Variants in NPAS3 observed in about 807,000 individuals in gnomAD.
The protein encoded by NPAS3 is neuronal PAS domain protein 3, also known as neuronal PAS domain-containing protein 3.
Under a neutral mutation model 73.1 loss-of-function variants are expected in NPAS3, and 14 were observed. The ratio of observed to expected loss-of-function variants is 0.19; its 90% CI spans 0.13 to 0.30. The LOEUF is 0.30. Among genes scored for constraint, NPAS3 ranks in the 10% least tolerant of loss-of-function variants. NPAS3 has a pLI of 1.00. For synonymous variants in NPAS3, 620 were observed against 541.5 expected, an observed-to-expected ratio of 1.14 and a Z score of -2.01; for missense variants, 1,096 against 1,250.0, an observed-to-expected ratio of 0.88 and a Z score of 1.86.
intron 3 of NPAS3, among the ~76,000 whole-genome samples, chr14:33,255,521 G>A (rs1566729168): frequency 6.6e-6 from 1 of 152,138 alleles, no homozygotes; most frequent in African/African-American, 2.4e-5. Flanking sequence ...ACCACTTAAA[G>A]TGTATTTTTT....
intron 5 of NPAS3, among the ~76,000 whole-genome samples, chr14:33,667,439 A>AAGAT (rs1272827807): frequency 6.6e-6 from 1 of 152,206 alleles, no homozygotes. Context: ...AAAATACCCT[A>AAGAT]AGATATACAG....
intron 1 of NPAS3, among the ~76,000 whole-genome samples, chr14:32,966,180 T>G (rs2139268384): frequency 6.6e-6 from 1 of 152,228 alleles, no homozygotes; most frequent in East Asian, 1.9e-4. Context: ...TGAGATTCTT[T>G]ATAGAAATAG....
In NPAS3 at chr14:33,072,463, AG is replaced by A. The variant is rs2041518539; in HGVS notation, c.140+16471del. Among the ~76,000 whole-genome samples the A allele has an allele frequency of 4.6e-5, 7 of 152,308 alleles. No individual in the cohort carries two copies. The South Asian group carries it at 1.5e-3, about 32-fold the overall frequency. ...TAAACATGAAAATGTAATTTAACAAAGGTGAATTTTTCTTTACGATAGAAAT... is the reference window on the plus strand; with the variant it reads ...TAAACATGAAAATGTAATTTAACAAAGTGAATTTTTCTTTACGATAGAAAT... On this transcript the variant is annotated intron_variant, in intron 2 of 11. Coordinates refer to ENST00000356141, the Ensembl canonical transcript of NPAS3.
chr14:33,123,546 C>T (rs536703693), intron 2 of NPAS3, among the ~76,000 whole-genome samples: 2 of 152,146 alleles, frequency 1.3e-5, no homozygotes, highest in South Asian at 2.1e-4. Flanking sequence ...CCAAAAGAAG[C>T]AGTGGAGAGG....
chr14:33,487,824 G>A (rs780185714), intron 4 of NPAS3, among the ~76,000 whole-genome samples: 2 of 152,250 alleles, frequency 1.3e-5, no homozygotes, highest in East Asian at 1.9e-4. Flanking sequence ...AACCAAGTAC[G>A]TGTTATTTTT....
intron 7 of NPAS3, among the ~76,000 whole-genome samples, chr14:33,757,082 A>C (rs2062139328): frequency 6.6e-6 from 1 of 152,214 alleles, no homozygotes; most frequent in African/African-American, 2.4e-5. Context: ...GATTCAGGAG[A>C]TGCTGGACAA....
At chr14:33,518,628 T>G (rs897869187) in intron 4 of NPAS3, among the ~76,000 whole-genome samples, 1 of 143,114 alleles carries the variant, frequency 7.0e-6, no homozygotes, top group Non-Finnish European at 1.5e-5. Flanking sequence ...TACCATGCCT[T>G]TGCAAAAAAT....
chr14:33,379,919 C>G (rs371853941), intron 4 of NPAS3, among the ~76,000 whole-genome samples: 1 of 151,016 alleles, frequency 6.6e-6, no homozygotes, highest in East Asian at 2.0e-4. Context: ...CTGTATTCTA[C>G]TTCACTAGCT....
chr14:32,943,736 G>A (rs1437635535), intron 1 of NPAS3, among the ~76,000 whole-genome samples: 1 of 147,182 alleles, frequency 6.8e-6, no homozygotes, highest in Non-Finnish European at 1.5e-5. Flanking sequence ...CTGTTGCCCA[G>A]GCATGCTGGA....
At chr14:33,139,349 T>C (rs1042008291) in intron 2 of NPAS3, among the ~76,000 whole-genome samples, 7 of 152,208 alleles carry the variant, frequency 4.6e-5, no homozygotes, top group African/African-American at 1.7e-4. Context: ...TTTTCCTGGA[T>C]TGGGCTTTTT....
intron 2 of NPAS3, among the ~76,000 whole-genome samples, chr14:33,136,770 C>A (rs2043855918): frequency 6.6e-6 from 1 of 152,214 alleles, no homozygotes; most frequent in Admixed American, 6.5e-5. Context: ...TGCAATACAA[C>A]AGCAATGGCC....
intron 2 of NPAS3, among the ~76,000 whole-genome samples, chr14:33,068,213 C>G (rs2041348116): frequency 1.3e-5 from 2 of 152,224 alleles, no homozygotes; most frequent in Non-Finnish European, 2.9e-5. Flanking sequence ...CATCTCACGT[C>G]AAGCTGTCTG....
chr14:33,537,498 G>T (rs924543189), intron 4 of NPAS3, among the ~76,000 whole-genome samples: 2 of 152,154 alleles, frequency 1.3e-5, no homozygotes, highest in Admixed American at 6.6e-5. Flanking sequence ...TAGATTAATG[G>T]ACGTTAATCA....
At chr14:33,379,580 A>G (rs1438761804) in intron 4 of NPAS3, among the ~76,000 whole-genome samples, 1 of 152,150 alleles carries the variant, frequency 6.6e-6, no homozygotes, top group Non-Finnish European at 1.5e-5. Flanking sequence ...CCAGCTGACT[A>G]TCATTTATCT....
intron 4 of NPAS3, among the ~76,000 whole-genome samples, chr14:33,397,909 T>C (rs4982083): frequency 0.44 from 67,160 of 151,982 alleles, 16,029 homozygotes; most frequent in East Asian, 0.66. Flanking sequence ...AATAGACACA[T>C]AGGTCCTCTG....
At chr14:33,701,649 C>A (rs2060525957) in intron 6 of NPAS3, among the ~76,000 whole-genome samples, 1 of 152,160 alleles carries the variant, frequency 6.6e-6, no homozygotes, top group South Asian at 2.1e-4. Flanking sequence ...GACACAGTTC[C>A]ACTCCCAGCC....
intron 2 of NPAS3, among the ~76,000 whole-genome samples, chr14:33,194,912 G>A (rs565055948): frequency 3.3e-5 from 5 of 152,236 alleles, no homozygotes; most frequent in African/African-American, 9.6e-5. Flanking sequence ...TAGCATTTAG[G>A]ATCAGCCTAT....
chr14:33,403,292 T>TA (rs964636306), intron 4 of NPAS3, among the ~76,000 whole-genome samples: 4 of 151,844 alleles, frequency 2.6e-5, no homozygotes, highest in East Asian at 1.9e-4. Flanking sequence ...AAATAGGCAT[T>TA]AAAAAAAAGC....
At chr14:33,330,902 A>G (rs1040793543) in intron 3 of NPAS3, among the ~76,000 whole-genome samples, 1 of 152,214 alleles carries the variant, frequency 6.6e-6, no homozygotes, top group Non-Finnish European at 1.5e-5. Flanking sequence ...ATAAAGAATA[A>G]TTATTTGCTG....
Sources: gnomAD v4.1 joint callset for allele counts (sites outside exome capture counted in the v4.1 genomes callset) on GRCh38, gnomAD v4.1.1 for gene constraint, MANE v1.5 for transcripts, NCBI Gene and HGNC (gene_info 2026-07-23, HGNC 2026-07-21) for gene names.